PTPRD: variants seen among roughly 807,000 people sequenced by gnomAD.
The protein encoded by PTPRD is receptor-type tyrosine-protein phosphatase delta.
Under a neutral mutation model 214.5 loss-of-function variants are expected in PTPRD, and 34 were observed. That is an observed-to-expected ratio of 0.16 (90% CI 0.12 to 0.21). The LOEUF (loss-of-function observed/expected upper bound fraction) is 0.21, where lower values mean the gene tolerates loss of function less well. PTPRD is among the 10% of genes least tolerant of loss of function. The pLI is 1.00. For missense variants in PTPRD, 2,545 were observed against 2,398.7 expected, an observed-to-expected ratio of 1.06 and a Z score of -1.27; for synonymous variants, 1,128 against 845.7, an observed-to-expected ratio of 1.33 and a Z score of -5.79.
intron 30 of PTPRD, among the ~76,000 whole-genome samples, chr9:8,473,309 G>A (rs2096694648): frequency 6.6e-6 from 1 of 152,084 alleles, no homozygotes; most frequent in African/African-American, 2.4e-5. Context: ...AGGCTTCTCT[G>A]CGTATGACAG....
At chr9:10,374,959 T>G (rs2097699353) in intron 2 of PTPRD, among the ~76,000 whole-genome samples, 1 of 152,040 alleles carries the variant, frequency 6.6e-6, no homozygotes, top group Non-Finnish European at 1.5e-5. Flanking sequence ...GGATATTTAT[T>G]TCATATAATT....
rs975874756 is a variant in PTPRD at position 10,179,291 on chromosome 9, G to C, written c.-544-145501C>G. Among the ~76,000 whole-genome samples, 3 of 151,910 alleles carry C rather than the reference G, an allele frequency of 2.0e-5. No individual in the cohort carries two copies. The South Asian group carries it at 6.2e-4, about 31-fold the overall frequency. On this transcript the variant is annotated intron_variant, in intron 3 of 45. Transcript: ENST00000381196. Reference sequence around the variant, plus strand: ...TTTGAGCTGAAAGCAGATGTATCTGGTATAAAAAGTTATAGAAAGCACAAA... The same window carrying C: ...TTTGAGCTGAAAGCAGATGTATCTGCTATAAAAAGTTATAGAAAGCACAAA...
intron 10 of PTPRD, among the ~76,000 whole-genome samples, chr9:9,076,495 C>G (rs1487249841): frequency 6.6e-6 from 1 of 152,050 alleles, no homozygotes; most frequent in Non-Finnish European, 1.5e-5. Context: ...CTCGCTATCT[C>G]CATGAGTTCA....
chr9:8,960,709 C>G (rs578225458), intron 11 of PTPRD, among the ~76,000 whole-genome samples: 2 of 152,216 alleles, frequency 1.3e-5, no homozygotes, highest in African/African-American at 4.8e-5. Context: ...AGCCAGAGAC[C>G]TACTTTCTAG....
chr9:9,344,893 A>C (rs2137619224), intron 9 of PTPRD, among the ~76,000 whole-genome samples: 1 of 152,286 alleles, frequency 6.6e-6, no homozygotes, highest in Non-Finnish European at 1.5e-5. Context: ...TCTATCAATA[A>C]GAACTCTTTT....
chr9:9,249,055 G>C (rs553852408), intron 9 of PTPRD, among the ~76,000 whole-genome samples: 2 of 152,090 alleles, frequency 1.3e-5, no homozygotes, highest in Non-Finnish European at 2.9e-5. Flanking sequence ...AGTGTTGGAA[G>C]TGGGGCCCAG....
At chr9:8,750,776 G>C (rs920238424) in intron 11 of PTPRD, among the ~76,000 whole-genome samples, 2 of 152,134 alleles carry the variant, frequency 1.3e-5, no homozygotes, top group Admixed American at 6.5e-5. Context: ...AGTGGGCCCA[G>C]GTTGCACAGG....
intron 2 of PTPRD, among the ~76,000 whole-genome samples, chr9:10,357,757 T>C (rs2097304426): frequency 6.6e-6 from 1 of 152,232 alleles, no homozygotes; most frequent in South Asian, 2.1e-4. Flanking sequence ...AAACAACGAC[T>C]ATGCATAAAG....
chr9:9,897,578 C>T (rs1368507494), intron 5 of PTPRD, among the ~76,000 whole-genome samples: 2 of 151,846 alleles, frequency 1.3e-5, no homozygotes, highest in East Asian at 1.9e-4. Flanking sequence ...TAGGAGTATC[C>T]TTGTACTTTA....
At chr9:9,884,344 A>G (rs2069963153) in intron 5 of PTPRD, among the ~76,000 whole-genome samples, 1 of 152,124 alleles carries the variant, frequency 6.6e-6, no homozygotes, top group Non-Finnish European at 1.5e-5. Context: ...AAAAGCAAGA[A>G]AGCAACAACA....
chr9:8,728,403 G>A (rs896015748), intron 12 of PTPRD, among the ~76,000 whole-genome samples: 1 of 152,088 alleles, frequency 6.6e-6, no homozygotes, highest in Admixed American at 6.5e-5. Flanking sequence ...TTGCTATGTT[G>A]TCCAGGCTGA....
chr9:9,688,311 C>T (rs574844954), intron 7 of PTPRD, among the ~76,000 whole-genome samples: 6 of 151,920 alleles, frequency 3.9e-5, no homozygotes, highest in Non-Finnish European at 5.9e-5. Context: ...ATTTAAGAAA[C>T]CATACAAAAC....
chr9:9,737,334 G>A (rs748247062), intron 6 of PTPRD, among the ~76,000 whole-genome samples: 2 of 152,038 alleles, frequency 1.3e-5, no homozygotes, highest in Non-Finnish European at 2.9e-5. Context: ...TTCAATATGA[G>A]TGTGTTGACT....
intron 3 of PTPRD, among the ~76,000 whole-genome samples, chr9:10,217,596 C>T (rs2099547227): frequency 6.6e-6 from 1 of 151,930 alleles, no homozygotes; most frequent in South Asian, 2.1e-4. Flanking sequence ...TCAGTTAGTA[C>T]TTGAGATGAG....
At chr9:9,531,273 G>A (rs1651560711) in intron 8 of PTPRD, among the ~76,000 whole-genome samples, 1 of 152,094 alleles carries the variant, frequency 6.6e-6, no homozygotes, top group South Asian at 2.1e-4. Context: ...ATGACAACAT[G>A]GATGAGTTAC....
intron 9 of PTPRD, among the ~76,000 whole-genome samples, chr9:9,187,901 C>G (rs1187309142): frequency 1.3e-5 from 2 of 151,644 alleles, no homozygotes; most frequent in African/African-American, 4.8e-5. Flanking sequence ...TTTGTCTCAA[C>G]TAAATTAAGA....
intron 8 of PTPRD, among the ~76,000 whole-genome samples, chr9:9,449,528 G>T (rs1296442426): frequency 6.6e-6 from 1 of 151,926 alleles, no homozygotes; most frequent in Non-Finnish European, 1.5e-5. Flanking sequence ...TGCCCTGATG[G>T]AGTACAGCCT....
At chr9:8,461,551 C>T (rs2096403293) in intron 32 of PTPRD, among the ~76,000 whole-genome samples, 1 of 151,894 alleles carries the variant, frequency 6.6e-6, no homozygotes, top group African/African-American at 2.4e-5. Context: ...CACTAACTGC[C>T]CTGCTTCTAC....
chr9:8,786,476 C>T (rs1370840729), intron 11 of PTPRD, among the ~76,000 whole-genome samples: 3 of 134,102 alleles, frequency 2.2e-5, no homozygotes, highest in Non-Finnish European at 3.1e-5. Flanking sequence ...GTGGCTCCAT[C>T]TCAGCTCAAC....
Sources: gnomAD v4.1 joint callset for allele counts (sites outside exome capture counted in the v4.1 genomes callset) on GRCh38, gnomAD v4.1.1 for gene constraint, MANE v1.5 for transcripts, NCBI Gene and HGNC (gene_info 2026-07-23, HGNC 2026-07-21) for gene names.